SDK2: variants seen among roughly 807,000 people sequenced by gnomAD.
SDK2 encodes the protein sidekick cell adhesion molecule 2, also known as protein sidekick-2.
Under a neutral mutation model 253.9 loss-of-function variants are expected in SDK2, and 105 were observed. The observed-to-expected ratio is 0.41, with a 90% CI of 0.35 to 0.49. The LOEUF (loss-of-function observed/expected upper bound fraction) is 0.49, where lower values mean the gene tolerates loss of function less well. SDK2 is among the 20% of genes least tolerant of loss of function. The pLI, the probability that SDK2 is intolerant of heterozygous loss-of-function variation, is 0.06. For synonymous variants in SDK2, 1,249 were observed against 1,234.9 expected (o/e 1.01, Z -0.24); for missense variants, 2,608 against 3,003.0 (o/e 0.87, Z 3.07).
At chr17:73,397,485 G>A (rs1454700875) in intron 24 of SDK2, among the ~76,000 whole-genome samples, 1 of 152,210 alleles carries the variant, frequency 6.6e-6, no homozygotes, top group African/African-American at 2.4e-5. Flanking sequence ...TTCCTCATCT[G>A]CAAAAGGGGG....
intron 1 of SDK2, among the ~76,000 whole-genome samples, chr17:73,536,237 C>T (rs565503011): frequency 6.6e-6 from 1 of 152,262 alleles, no homozygotes; most frequent in South Asian, 2.1e-4. Flanking sequence ...GATGCTGCTG[C>T]CCTAGAGGCC....
intron 44 of SDK2, among the ~76,000 whole-genome samples, chr17:73,343,254 G>A: frequency 6.6e-6 from 1 of 152,246 alleles, no homozygotes; most frequent in East Asian, 1.9e-4. Flanking sequence ...GGAGAGCAGG[G>A]AGCCAAACAG....
Position 73,388,047 on chromosome 17 carries a change from G to T in SDK2, c.4193-10C>A. ...GGGGGCTGCGGACGGTCTGGGAGGT[G>T]GCAGAGGGGGAGGAGCAGGTGAGTG... On this transcript the variant is annotated splice_polypyrimidine_tract_variant and intron_variant, in intron 29 of 44. Coordinates refer to ENST00000392650, the MANE Select transcript of SDK2 (RefSeq NM_001144952.2). 6.4e-7 allele frequency: 1 copy of T among 1,558,978 alleles called. No individual in the cohort carries two copies. Among genetic ancestry groups the T allele is most frequent in the Non-Finnish European group, 8.7e-7 (1 of 1,153,002 alleles).
chr17:73,522,759 G>C (rs1437730205), intron 1 of SDK2, among the ~76,000 whole-genome samples: 1 of 152,240 alleles, frequency 6.6e-6, no homozygotes, highest in South Asian at 2.1e-4. Context: ...TGATACCAGG[G>C]AAGAGGAGAG....
At chr17:73,566,319 ATGTGTGTGTGTGTG>A (rs55940592) in intron 1 of SDK2, among the ~76,000 whole-genome samples, 4 of 139,312 alleles carry the variant, frequency 2.9e-5, no homozygotes, top group East Asian at 4.0e-4. Flanking sequence ...TTATATATAT[ATGTGTGTGTGTGTG>A]TGTGTGTGTG....
chr17:73,625,548 A>G (rs894251477), intron 1 of SDK2, among the ~76,000 whole-genome samples: 3 of 152,222 alleles, frequency 2.0e-5, no homozygotes, highest in African/African-American at 7.2e-5. Context: ...CCTGGGCCCC[A>G]CGCCTAGAAG....
intron 1 of SDK2, among the ~76,000 whole-genome samples, chr17:73,516,183 T>A (rs1001365060): frequency 2.0e-5 from 3 of 152,122 alleles, no homozygotes; most frequent in African/African-American, 7.2e-5. Flanking sequence ...CTCATAAGGT[T>A]TTGAGCAGGG....
intron 1 of SDK2, among the ~76,000 whole-genome samples, chr17:73,583,086 C>T (rs1051997298): frequency 1.3e-5 from 2 of 152,208 alleles, no homozygotes; most frequent in South Asian, 2.1e-4. Flanking sequence ...ATGTCACCTC[C>T]TTTGGGAAGC....
At position 73,371,974 on chromosome 17, in the gene SDK2, G is replaced by C. The variant is rs555072698; in HGVS notation, c.4981-3381C>G. Among the ~76,000 whole-genome samples, 37 of 148,936 alleles carry C rather than the reference G, an allele frequency of 2.5e-4. No homozygotes were observed. The South Asian group carries it at 7.7e-3, about 31-fold the overall frequency. Reference sequence around the variant, plus strand: ...GAGTCCGTTAAAAAAAAAAAAAAGTGAGGTCAGGAAAAGGCATAAAAAGAG... The same window carrying C: ...GAGTCCGTTAAAAAAAAAAAAAAGTCAGGTCAGGAAAAGGCATAAAAAGAG... On this transcript the variant is annotated intron_variant, in intron 36 of 44. Coordinates refer to ENST00000392650, the MANE Select transcript of SDK2 (RefSeq NM_001144952.2).
rs1599592765 is a variant in SDK2, at chr17:73,466,308, A to G, written c.331+5804T>C. 2.0e-5 allele frequency among the ~76,000 whole-genome samples: 3 copies of G among 152,126 alleles called. No homozygotes were observed. In the Middle Eastern group the frequency reaches 0.01, roughly 517 times the overall value. Reference sequence around the variant, plus strand: ...TCCCTGAGTGCCGTCCAGTCTGGGGACCCACTGCAATGGTTTGTGTGCGTT... The same window carrying G: ...TCCCTGAGTGCCGTCCAGTCTGGGGGCCCACTGCAATGGTTTGTGTGCGTT... On this transcript the variant is annotated intron_variant, in intron 3 of 44. Transcript: ENST00000392650.
chr17:73,407,675 C>G (rs2063090126), intron 18 of SDK2, among the ~76,000 whole-genome samples: 1 of 152,144 alleles, frequency 6.6e-6, no homozygotes, highest in Admixed American at 6.5e-5. Flanking sequence ...TGGCCTCAAG[C>G]AAGCCTCTGC....
intron 1 of SDK2, among the ~76,000 whole-genome samples, chr17:73,569,863 T>C (rs993248100): frequency 1.9e-4 from 29 of 152,036 alleles, no homozygotes; most frequent in Admixed American, 1.8e-3. Flanking sequence ...TTCCTTGTCT[T>C]TTCCTGATCT....
chr17:73,541,402 C>T lies in SDK2; in HGVS notation c.65-33805G>A, dbSNP rs1004381586. 5.3e-5 allele frequency among the ~76,000 whole-genome samples: 8 copies of T among 152,106 alleles called. No individual in the cohort carries two copies. Among genetic ancestry groups the T allele is most frequent in the South Asian group, 4.1e-4 (2 of 4,822 alleles). On this transcript the variant is annotated intron_variant, in intron 1 of 44. Transcript: ENST00000392650. This position sits in a 1 kb window ranked among gnomAD's most constrained non-coding sequence, Gnocchi z 4.3. ...GACATCAGAAGGACCAAGGCTAGCT[C>T]GGGCAGCACACTTAGCACATGGGCG...
chr17:73,537,126 C>T (rs1211817897), intron 1 of SDK2, among the ~76,000 whole-genome samples: 1 of 152,094 alleles, frequency 6.6e-6, no homozygotes, highest in Non-Finnish European at 1.5e-5. Flanking sequence ...CGTGTGCGGG[C>T]GCGCATCATG....
rs553149321 is a variant in SDK2, at chr17:73,589,317, G to A, written c.64+54708C>T. ...TGTCTCTTCTAGTCCCTCCCAAGGTGCAGAGTTGTAGGTGCTCAAAGCATT... is the reference window on the plus strand; with the variant it reads ...TGTCTCTTCTAGTCCCTCCCAAGGTACAGAGTTGTAGGTGCTCAAAGCATT... On this transcript the variant is annotated intron_variant, in intron 1 of 44. Coordinates refer to ENST00000392650, the MANE Select transcript of SDK2 (RefSeq NM_001144952.2). Among the ~76,000 whole-genome samples the A allele has an allele frequency of 1.9e-4, 29 of 152,384 alleles. No individual in the cohort carries two copies. In the South Asian group the frequency reaches 5.8e-3, roughly 30 times the overall value.
chr17:73,423,296 G>A (rs2063248865), intron 14 of SDK2, 90 bp downstream of exon 14: 2 of 1,227,892 alleles, frequency 1.6e-6, no homozygotes, highest in African/African-American at 3.1e-5. Flanking sequence ...CCCAGAACTA[G>A]GAAGCAGGAG....
intron 1 of SDK2, chr17:73,519,529 G>A (rs1168953002): frequency 6.6e-6 from 1 of 152,152 alleles, no homozygotes; most frequent in Non-Finnish European, 1.5e-5. Flanking sequence ...AAGGAAAGAT[G>A]GGTATTTGTT....
Position 73,524,553 on chromosome 17 carries a change from C to T in SDK2, c.65-16956G>A, listed in dbSNP as rs568398412. Among the ~76,000 whole-genome samples the T allele has an allele frequency of 2.0e-5, 3 of 152,312 alleles. No homozygotes were observed. In the South Asian group the frequency reaches 6.2e-4, roughly 32 times the overall value. ...TCCAGACAGAGTGATGTGAGAGTCA[C>T]ACACCTACTGTGCCCTCTTCCCTCT... On this transcript the variant is annotated intron_variant, in intron 1 of 44. Coordinates refer to ENST00000392650, the MANE Select transcript of SDK2 (RefSeq NM_001144952.2).
chr17:73,506,382 C>G (rs1378688380), intron 2 of SDK2, among the ~76,000 whole-genome samples: 1 of 152,134 alleles, frequency 6.6e-6, no homozygotes, highest in Non-Finnish European at 1.5e-5. Context: ...GGAGGGGGTG[C>G]CCTGTCCTGG....
Sources: gnomAD v4.1 joint callset for allele counts (sites outside exome capture counted in the v4.1 genomes callset) on GRCh38, gnomAD v4.1.1 for gene constraint, Gnocchi (gnomAD v3.1) non-coding constraint, MANE v1.5 for transcripts, NCBI Gene and HGNC (gene_info 2026-07-23, HGNC 2026-07-21) for gene names.